Variants in INVS observed in about 807,000 individuals in gnomAD.
INVS encodes the protein inversin.
A neutral mutation model predicts 108.8 loss-of-function variants in INVS; 86 were observed. That is an observed-to-expected ratio of 0.79 (90% CI 0.66 to 0.95). The LOEUF (loss-of-function observed/expected upper bound fraction) is 0.95. INVS is among the 40% of genes least tolerant of loss of function. The pLI, the probability that INVS is intolerant of heterozygous loss-of-function variation, is 0.00. For synonymous variants in INVS, 455 were observed against 473.5 expected (o/e 0.96, Z 0.51); for missense variants, 1,169 against 1,297.4 (o/e 0.90, Z 1.52).
intron 1 of INVS, among the ~76,000 whole-genome samples, chr9:100,100,947 C>CATATAAT (rs1826939857): frequency 1.3e-4 from 2 of 15,744 alleles, no homozygotes; most frequent in Non-Finnish European, 2.0e-4. Context: ...AATATATATA[C>CATATAAT]ATATATATTA....
In INVS at chr9:100,213,935, G is replaced by A. The variant is rs139522741; in HGVS notation, c.274-12127G>A. On this transcript the variant is annotated intron_variant, in intron 3 of 16. Transcript: ENST00000262457. ...CATTCTTGGCATACCCAGTAAGAAC[G>A]TTTAGGAATGCTTCAGGCCCATGGT... Among the ~76,000 whole-genome samples, 442 of 152,246 alleles carry A rather than the reference G, an allele frequency of 2.9e-3. 1 individual carries two copies. The highest frequency in any genetic ancestry group is 5.2e-3 in the Non-Finnish European group (354 of 68,026).
intron 8 of INVS, among the ~76,000 whole-genome samples, chr9:100,250,802 T>C (rs1474336944): frequency 2.6e-5 from 4 of 152,234 alleles, no homozygotes; most frequent in African/African-American, 9.6e-5. Flanking sequence ...GTTTAAAGCA[T>C]AAATCAGATA....
At chr9:100,104,807 G>T (rs534080473) in intron 2 of INVS, among the ~76,000 whole-genome samples, 180 bp downstream of exon 2, 5 of 152,142 alleles carry the variant, frequency 3.3e-5, no homozygotes, top group African/African-American at 1.2e-4. Context: ...AAAAATATGG[G>T]TTAGGATTAG....
intron 11 of INVS, among the ~76,000 whole-genome samples, chr9:100,267,019 TAAAAAAA>T (rs11415703): frequency 1.1e-5 from 1 of 93,122 alleles, no homozygotes; most frequent in East Asian, 3.7e-4. Flanking sequence ...TTTGAAACTC[TAAAAAAA>T]AAAAAAAAAA....
chr9:100,114,599 T>G (rs1426327238), intron 2 of INVS, among the ~76,000 whole-genome samples: 1 of 151,848 alleles, frequency 6.6e-6, no homozygotes, highest in Non-Finnish European at 1.5e-5. Context: ...GAGATGGGGT[T>G]TTGCCATGTT....
intron 5 of INVS, among the ~76,000 whole-genome samples, chr9:100,232,840 C>CT (rs1009852448): frequency 2.6e-5 from 4 of 151,978 alleles, no homozygotes; most frequent in African/African-American, 9.7e-5. Flanking sequence ...TATACAGGCT[C>CT]TTTTTTTGTT....
rs1035111689 is a variant in INVS, at chr9:100,301,109, A to G, written c.*435A>G. 1 of 228,370 alleles carries G rather than the reference A, an allele frequency of 4.4e-6. No homozygotes were observed. The highest frequency in any genetic ancestry group is 5.3e-5 in the Admixed American group (1 of 18,812). 14.1% of individuals were successfully genotyped at this position (228,370 alleles called of 1,614,324 possible). On this transcript the variant is annotated 3_prime_UTR_variant, in exon 17 of 17. Coordinates refer to ENST00000262457, the MANE Select transcript of INVS (RefSeq NM_014425.5). ...GTCCCATAGCAGCCTTCCTCTCACT[A>G]CTTTCCTGGCATCTAATGCAACAAA... is the stretch of plus-strand genomic sequence containing the variant.
chr9:100,237,506 T>C (rs1425762602), intron 5 of INVS, among the ~76,000 whole-genome samples: 1 of 152,182 alleles, frequency 6.6e-6, no homozygotes, highest in African/African-American at 2.4e-5. Context: ...CTAGGGAATC[T>C]CCTAGTCTGA....
chr9:100,109,564 A>G (rs1178525874), intron 2 of INVS, among the ~76,000 whole-genome samples: 1 of 152,258 alleles, frequency 6.6e-6, no homozygotes, highest in Non-Finnish European at 1.5e-5. Flanking sequence ...TTGCAGTGGT[A>G]TCGTGACCAG....
intron 10 of INVS, among the ~76,000 whole-genome samples, chr9:100,259,523 AGC>A (rs965888002): frequency 1.8e-4 from 27 of 148,254 alleles, no homozygotes; most frequent in African/African-American, 6.2e-4. Context: ...TGTAGACTGG[AGC>A]TGTTCCTGTT....
At chr9:100,127,233 G>A (rs920755205) in intron 3 of INVS, among the ~76,000 whole-genome samples, 2 of 151,780 alleles carry the variant, frequency 1.3e-5, no homozygotes, top group East Asian at 3.8e-4. Context: ...TAATTTAAAA[G>A]GTTGAAATGT....
chr9:100,105,819 G>A (rs1157743332), intron 2 of INVS, among the ~76,000 whole-genome samples: 2 of 86,726 alleles, frequency 2.3e-5, no homozygotes, highest in African/African-American at 8.7e-5. Flanking sequence ...TTCTATGTCT[G>A]TTATTAAAAT....
Position 100,300,906 on chromosome 9 carries a change from A to G in INVS, c.*232A>G, listed in dbSNP as rs1833946681. ...TGCACTGAAAGGACCTGCATAGACT[A>G]TGTCTGTGCAAAGTGCCTGAGTGTC... On this transcript the variant is annotated 3_prime_UTR_variant, in exon 17 of 17. Coordinates refer to ENST00000262457, the MANE Select transcript of INVS (RefSeq NM_014425.5). 1 of 559,766 alleles carries G rather than the reference A, an allele frequency of 1.8e-6. No individual in the cohort carries two copies. The highest frequency in any genetic ancestry group is 2.0e-5 in the South Asian group (1 of 49,616). The allele number at this position is 559,766 out of a possible 1,614,324, so 34.7% of individuals were successfully genotyped here.
At chr9:100,243,537 T>C (rs527858491) in intron 7 of INVS, among the ~76,000 whole-genome samples, 2 of 152,238 alleles carry the variant, frequency 1.3e-5, no homozygotes, top group South Asian at 4.1e-4. Context: ...CCCCTCTACT[T>C]TCTCATCCAT....
chr9:100,268,551 T>G lies in INVS; in HGVS notation c.1571+3623T>G, dbSNP rs146559938. 4.2e-3 allele frequency among the ~76,000 whole-genome samples: 639 copies of G among 152,158 alleles called. 4 individuals are homozygous for G. Among genetic ancestry groups the G allele is most frequent in the African/African-American group, 0.015 (614 of 41,500 alleles). On this transcript the variant is annotated intron_variant, in intron 11 of 16. Transcript: ENST00000262457. ...GGTTCCAATACCTCTGACAAAATGA[T>G]AGGAGTTCCGAGATTAGCTATAAAA...
At chr9:100,279,345 C>T (rs918146066) in intron 12 of INVS, among the ~76,000 whole-genome samples, 2 of 152,114 alleles carry the variant, frequency 1.3e-5, no homozygotes, top group African/African-American at 4.8e-5. Context: ...AGCTACCTAC[C>T]ATTACTTGGT....
chr9:100,286,682 A>G (rs1218731347), intron 13 of INVS, among the ~76,000 whole-genome samples: 3 of 152,188 alleles, frequency 2.0e-5, no homozygotes, highest in Admixed American at 2.0e-4. Flanking sequence ...AGCTTTAATT[A>G]AGCTCCCATA....
At chr9:100,133,447 A>G (rs1357764702) in intron 3 of INVS, among the ~76,000 whole-genome samples, 2 of 151,970 alleles carry the variant, frequency 1.3e-5, no homozygotes, top group Non-Finnish European at 2.9e-5. Flanking sequence ...ACATTTACCA[A>G]CTTGCTTTTT....
intron 3 of INVS, among the ~76,000 whole-genome samples, chr9:100,188,655 C>T (rs1195627946): frequency 2.7e-5 from 4 of 145,756 alleles, no homozygotes; most frequent in Non-Finnish European, 4.5e-5. Flanking sequence ...TTTTTTTGTC[C>T]GTTAGATCCT....
Sources: gnomAD v4.1 joint callset for allele counts (sites outside exome capture counted in the v4.1 genomes callset) on GRCh38, gnomAD v4.1.1 for gene constraint, MANE v1.5 for transcripts, NCBI Gene and HGNC (gene_info 2026-07-23, HGNC 2026-07-21) for gene names.